Variants in SCHIP1 observed in about 807,000 individuals in gnomAD.
The protein encoded by SCHIP1 is schwannomin-interacting protein 1.
Under a neutral mutation model 29.7 loss-of-function variants are expected in SCHIP1, and 8 were observed. The observed-to-expected ratio is 0.27, with a 90% confidence interval of 0.16 to 0.49. SCHIP1 has a LOEUF of 0.49. SCHIP1 is among the 20% of genes least tolerant of loss of function. The pLI is 0.99. For synonymous variants in SCHIP1, 76 were observed against 94.9 expected, an observed-to-expected ratio of 0.80 and a Z score of 1.16; for missense variants, 193 against 294.6, an observed-to-expected ratio of 0.66 and a Z score of 2.52.
the SCHIP1 span, among the ~76,000 whole-genome samples, chr3:159,586,902 C>T: frequency 3.9e-5 from 6 of 152,150 alleles, no homozygotes; most frequent in Admixed American, 3.9e-4. Flanking sequence ...AGGAAATTTA[C>T]TTGGCAGCAG....
the SCHIP1 span, among the ~76,000 whole-genome samples, chr3:159,668,764 G>A: frequency 3.3e-5 from 5 of 152,022 alleles, no homozygotes; most frequent in Non-Finnish European, 7.4e-5. Flanking sequence ...CTTTCCCTTC[G>A]ACTCTTTCCT....
chr3:159,879,748 A>G (rs544466771), intron 2 of SCHIP1, among the ~76,000 whole-genome samples: 27 of 152,322 alleles, frequency 1.8e-4, no homozygotes, highest in African/African-American at 5.5e-4. Flanking sequence ...AGTGAAGGAA[A>G]TGGACACTGA....
At chr3:159,564,574 C>T in the SCHIP1 span, among the ~76,000 whole-genome samples, 1 of 152,094 alleles carries the variant, frequency 6.6e-6, no homozygotes, top group Non-Finnish European at 1.5e-5. Context: ...CAGGGTTTCT[C>T]CATGTTGATC....
the SCHIP1 span, among the ~76,000 whole-genome samples, chr3:159,834,034 ATGT>A: frequency 6.6e-6 from 1 of 152,060 alleles, no homozygotes; most frequent in Non-Finnish European, 1.5e-5. Flanking sequence ...TGGACAGTTG[ATGT>A]TGTTCTTAAT....
the SCHIP1 span, among the ~76,000 whole-genome samples, chr3:159,425,748 A>C: frequency 6.6e-6 from 1 of 152,236 alleles, no homozygotes; most frequent in African/African-American, 2.4e-5. Flanking sequence ...CATTTTGTTC[A>C]GCACCACACC....
chr3:159,658,804 T>C, the SCHIP1 span, among the ~76,000 whole-genome samples: 1 of 152,326 alleles, frequency 6.6e-6, no homozygotes, highest in Admixed American at 6.5e-5. Flanking sequence ...AGCCCAAAAC[T>C]GAATCTCTAA....
chr3:159,818,518 A>T, the SCHIP1 span, among the ~76,000 whole-genome samples: 1 of 152,200 alleles, frequency 6.6e-6, no homozygotes, highest in Non-Finnish European at 1.5e-5. Context: ...ACTGCCTGGG[A>T]ATCTGCAGGG....
At chr3:159,351,939 T>A in the SCHIP1 span, among the ~76,000 whole-genome samples, 1 of 152,196 alleles carries the variant, frequency 6.6e-6, no homozygotes, top group African/African-American at 2.4e-5. Context: ...ACCACCAGTA[T>A]ATTGGGCAAT....
chr3:159,371,062 C>CTGAT, the SCHIP1 span, among the ~76,000 whole-genome samples: 6 of 151,556 alleles, frequency 4.0e-5, no homozygotes, highest in Non-Finnish European at 8.8e-5. Flanking sequence ...TCTGTCTTTC[C>CTGAT]TGATTGATTA....
the SCHIP1 span, among the ~76,000 whole-genome samples, chr3:159,577,965 A>G: frequency 6.6e-6 from 1 of 152,222 alleles, no homozygotes; most frequent in East Asian, 1.9e-4. Context: ...GTTTTATCCA[A>G]TATCTAGAGC....
the SCHIP1 span, among the ~76,000 whole-genome samples, chr3:159,828,440 C>CGTATATATAT: frequency 8.4e-5 from 4 of 47,592 alleles, no homozygotes; most frequent in Non-Finnish European, 1.1e-4. Flanking sequence ...CGTATATATA[C>CGTATATATAT]GTATATATAT....
At chr3:159,465,427 G>A in the SCHIP1 span, among the ~76,000 whole-genome samples, 2 of 151,992 alleles carry the variant, frequency 1.3e-5, no homozygotes, top group South Asian at 4.2e-4. Flanking sequence ...AGAATTTTGA[G>A]ATGAAAGCGT....
At chr3:159,521,627 C>G in the SCHIP1 span, among the ~76,000 whole-genome samples, 1 of 152,312 alleles carries the variant, frequency 6.6e-6, no homozygotes, top group African/African-American at 2.4e-5. Context: ...TTGAATACTC[C>G]AAGTACTGCT....
chr3:159,731,666 C>T, the SCHIP1 span, among the ~76,000 whole-genome samples: 1 of 152,186 alleles, frequency 6.6e-6, no homozygotes, highest in East Asian at 1.9e-4. Flanking sequence ...AGGAAGGGGG[C>T]AAACTGCCCT....
At chr3:159,591,533 G>A in the SCHIP1 span, among the ~76,000 whole-genome samples, 1 of 152,152 alleles carries the variant, frequency 6.6e-6, no homozygotes, top group East Asian at 1.9e-4. Flanking sequence ...GCCCATCAAT[G>A]ATAGACTGGA....
At chr3:159,752,289 C>A in the SCHIP1 span, among the ~76,000 whole-genome samples, 1 of 152,170 alleles carries the variant, frequency 6.6e-6, no homozygotes, top group Non-Finnish European at 1.5e-5. Flanking sequence ...GGTAAGAAAT[C>A]ATTTGCAATC....
intron 2 of SCHIP1, among the ~76,000 whole-genome samples, chr3:159,871,954 T>G (rs1027594890): frequency 2.0e-5 from 3 of 152,148 alleles, no homozygotes; most frequent in Non-Finnish European, 4.4e-5. Context: ...TCCCCTACTT[T>G]CAGCTGTATC....
the SCHIP1 span, among the ~76,000 whole-genome samples, chr3:159,433,377 C>T: frequency 6.6e-6 from 1 of 152,118 alleles, no homozygotes; most frequent in Admixed American, 6.6e-5. Context: ...TATTTGTATG[C>T]TCTGCAAGAA....
the SCHIP1 span, among the ~76,000 whole-genome samples, chr3:159,671,812 G>A: frequency 0.077 from 11,738 of 152,100 alleles, 950 homozygotes; most frequent in African/African-American, 0.21. Flanking sequence ...AACCCTTGGC[G>A]TTTTAGGGGA....
Sources: allele counts gnomAD v4.1 joint callset (sites outside exome capture counted in the v4.1 genomes callset), GRCh38; gene constraint gnomAD v4.1.1; transcripts MANE v1.5; gene names NCBI Gene and HGNC (gene_info 2026-07-23, HGNC 2026-07-21).